EBF1: variants seen among roughly 807,000 people sequenced by gnomAD.
EBF1 encodes the protein transcription factor COE1.
In EBF1, 10 loss-of-function variants were observed where a neutral mutation model predicts 68.4. The ratio of observed to expected loss-of-function variants is 0.15; its 90% CI spans 0.09 to 0.25. The LOEUF is 0.25. Ranked by LOEUF, EBF1 falls within the 10% of genes least tolerant of loss-of-function variation. The pLI, the probability that EBF1 is intolerant of heterozygous loss-of-function variation, is 1.00. For missense variants in EBF1, 509 were observed against 794.4 expected (o/e 0.64, Z 4.32); for synonymous variants, 298 against 299.8 (o/e 0.99, Z 0.06).
Position 158,862,216 on chromosome 5 carries a change from C to G in EBF1, c.555-22106G>C, listed in dbSNP as rs535518391. On this transcript the variant is annotated intron_variant, in intron 6 of 15. Transcript: ENST00000313708. The stretch of plus-strand genomic sequence containing the variant: ...GAGATGGAGGGTAAAATAGTTTCAT[C>G]TGAAAAAAAAATGTTGGCAAAGGTC... Among the ~76,000 whole-genome samples, 13 of 151,930 alleles carry G rather than the reference C, an allele frequency of 8.6e-5. No individual in the cohort carries two copies. In the East Asian group the frequency reaches 2.3e-3, roughly 27 times the overall value.
chr5:158,903,982 G>T (rs1014487981), intron 6 of EBF1, among the ~76,000 whole-genome samples: 6 of 151,988 alleles, frequency 3.9e-5, no homozygotes, highest in African/African-American at 1.5e-4. Context: ...GGGGTGGAGG[G>T]TACAAAACAC....
At chr5:158,807,231 A>G (rs555356991) in intron 8 of EBF1, among the ~76,000 whole-genome samples, 1 of 152,112 alleles carries the variant, frequency 6.6e-6, no homozygotes, top group African/African-American at 2.4e-5. Context: ...TTAATCTCCA[A>G]TCCCTCCAAT....
intron 6 of EBF1, among the ~76,000 whole-genome samples, chr5:158,865,336 C>T (rs1348641656): frequency 6.6e-6 from 1 of 152,188 alleles, no homozygotes; most frequent in Non-Finnish European, 1.5e-5. Context: ...AGTCTGGGCC[C>T]TACCACTTAT....
At chr5:158,740,326 G>GTGAT (rs1340055497) in intron 10 of EBF1, among the ~76,000 whole-genome samples, 1 of 152,082 alleles carries the variant, frequency 6.6e-6, no homozygotes, top group African/African-American at 2.4e-5. Context: ...AGTCCTACTT[G>GTGAT]TGATTGTTAA....
chr5:158,868,932 C>G (rs1056960299), intron 6 of EBF1, among the ~76,000 whole-genome samples: 2 of 152,092 alleles, frequency 1.3e-5, no homozygotes, highest in African/African-American at 4.8e-5. Flanking sequence ...CAACTAACAG[C>G]AATCGAAGGA....
At chr5:159,062,945 AGT>A (rs1442208150) in intron 6 of EBF1, among the ~76,000 whole-genome samples, 2 of 152,250 alleles carry the variant, frequency 1.3e-5, no homozygotes, top group Non-Finnish European at 2.9e-5. Context: ...AACATTTTTA[AGT>A]GTAACAAATT....
intron 6 of EBF1, among the ~76,000 whole-genome samples, chr5:158,979,905 C>A (rs544009893): frequency 4.6e-5 from 7 of 152,140 alleles, no homozygotes; most frequent in Non-Finnish European, 8.8e-5. Context: ...CATTCTCTGG[C>A]CCCTTCCCTG....
chr5:158,914,277 A>G (rs772846938), intron 6 of EBF1, among the ~76,000 whole-genome samples: 1 of 152,160 alleles, frequency 6.6e-6, no homozygotes, highest in Non-Finnish European at 1.5e-5. Context: ...GTGCTTATTA[A>G]TATCATGGAG....
At chr5:158,924,270 C>T (rs1699297247) in intron 6 of EBF1, among the ~76,000 whole-genome samples, 1 of 152,202 alleles carries the variant, frequency 6.6e-6, no homozygotes, top group African/African-American at 2.4e-5. Context: ...CACTACCTTC[C>T]TCATGCCAGA....
At chr5:158,956,524 T>C (rs1231687454) in intron 6 of EBF1, among the ~76,000 whole-genome samples, 1 of 152,036 alleles carries the variant, frequency 6.6e-6, no homozygotes, top group African/African-American at 2.4e-5. Flanking sequence ...CCTTCTAAAA[T>C]AGCTCTTGAC....
intron 3 of EBF1, among the ~76,000 whole-genome samples, chr5:159,095,956 G>T (rs1415834968): frequency 1.3e-5 from 2 of 152,218 alleles, no homozygotes; most frequent in East Asian, 3.9e-4. Context: ...CGACTTGTCT[G>T]TTCTCACGGC....
intron 7 of EBF1, among the ~76,000 whole-genome samples, chr5:158,828,165 T>TC (rs1786629833): frequency 1.3e-5 from 2 of 152,288 alleles, no homozygotes; most frequent in East Asian, 3.9e-4. Context: ...GGGCAGCATT[T>TC]CATGGAATAA....
Position 159,084,179 on chromosome 5 carries a change from A to AC in EBF1, c.485+486dup, listed in dbSNP as rs530966819. Among the ~76,000 whole-genome samples the AC allele has an allele frequency of 3.7e-3, 561 of 152,116 alleles. 1 individual carries two copies. Among genetic ancestry groups the AC allele is most frequent in the African/African-American group, 0.012 (511 of 41,494 alleles). Reference sequence around the variant, plus strand: ...GAGATGCAAGAGGAAGAAAAAAAAAACCCACATGCAATTTAAGAAGAAATG... The same window carrying AC: ...GAGATGCAAGAGGAAGAAAAAAAAAACCCCACATGCAATTTAAGAAGAAATG... On this transcript the variant is annotated intron_variant, in intron 5 of 15. Transcript: ENST00000313708.
At chr5:159,060,698 C>T (rs1439677516) in intron 6 of EBF1, among the ~76,000 whole-genome samples, 2 of 152,084 alleles carry the variant, frequency 1.3e-5, no homozygotes, top group Non-Finnish European at 2.9e-5. Flanking sequence ...CCAATTTCTA[C>T]AAGCTAGAAA....
At position 158,708,061 on chromosome 5, in the gene EBF1, C is replaced by T; in HGVS notation, c.1662G>A (p.Gln554=). 1.3e-6 allele frequency: 2 copies of T among 1,562,722 alleles called. No homozygotes were observed. The highest frequency in any genetic ancestry group is 1.7e-6 in the Non-Finnish European group (2 of 1,152,846). The change falls in exon 15 of 16, where the codon CAG becomes CAA. Residue 554 remains glutamine (Q), a synonymous_variant. Coordinates refer to ENST00000313708, the MANE Select transcript of EBF1 (RefSeq NM_024007.5). ...SPANMVSAVK[Q]KSAFAPVVRP... is the part of the protein sequence containing the mutation. ...TGACGACTGGTGCGAAAGCACTCTT[C>T]TGTTTCACGGCTGAGACCATGTTGG...
intron 7 of EBF1, among the ~76,000 whole-genome samples, chr5:158,829,324 C>T (rs1221972788): frequency 6.6e-6 from 1 of 151,610 alleles, no homozygotes; most frequent in East Asian, 1.9e-4. Context: ...TAGAGGCATG[C>T]ACCACCACAC....
chr5:158,856,976 C>T (rs1004013638), intron 6 of EBF1, among the ~76,000 whole-genome samples: 6 of 148,728 alleles, frequency 4.0e-5, no homozygotes, highest in African/African-American at 1.2e-4. Context: ...TTTTTAAAAG[C>T]GAGAAAAAAC....
At chr5:158,895,876 C>T (rs1040727099) in intron 6 of EBF1, among the ~76,000 whole-genome samples, 3 of 152,194 alleles carry the variant, frequency 2.0e-5, no homozygotes, top group African/African-American at 7.2e-5. Flanking sequence ...CCAAATCATA[C>T]TTTTGGAACT....
At chr5:159,090,845 T>C (rs1781502668) in intron 4 of EBF1, among the ~76,000 whole-genome samples, 1 of 139,676 alleles carries the variant, frequency 7.2e-6, no homozygotes, top group African/African-American at 2.6e-5. Flanking sequence ...AAGCATCTAA[T>C]TTATTAAGCA....
Sources: gnomAD v4.1 joint callset for allele counts (sites outside exome capture counted in the v4.1 genomes callset) on GRCh38, gnomAD v4.1.1 for gene constraint, MANE v1.5 for transcripts, NCBI Gene and HGNC (gene_info 2026-07-23, HGNC 2026-07-21) for gene names.